Variants in LMO7 observed in about 807,000 individuals in gnomAD.
LMO7 encodes LIM domain only protein 7.
LMO7 carries 120 observed loss-of-function variants against 206.5 expected under a neutral mutation model. The observed-to-expected ratio is 0.58, with a 90% CI of 0.50 to 0.68. The LOEUF is 0.68. Ranked by LOEUF, LMO7 falls within the 30% of genes least tolerant of loss-of-function variation. LMO7 has a pLI of 0.00. For synonymous variants in LMO7, 706 were observed against 681.5 expected, an observed-to-expected ratio of 1.04 and a Z score of -0.56; for missense variants, 1,959 against 1,957.9, an observed-to-expected ratio of 1.00 and a Z score of -0.01.
intron 1 of LMO7, among the ~76,000 whole-genome samples, chr13:75,698,451 G>T (rs1223695240): frequency 1.3e-5 from 2 of 151,900 alleles, no homozygotes; most frequent in African/African-American, 4.8e-5. Context: ...CCCCTCACCT[G>T]GTTAATTTTT....
chr13:75,711,463 G>A (rs1449943850), intron 1 of LMO7, among the ~76,000 whole-genome samples: 1 of 152,108 alleles, frequency 6.6e-6, no homozygotes, highest in Non-Finnish European at 1.5e-5. Context: ...ATTAATTATT[G>A]CCTCAATTTC....
Position 75,800,720 on chromosome 13 carries a change from A to G in LMO7, c.499A>G (p.Arg167Gly). The change falls in exon 7 of 31, where the codon AGG becomes GGG. Residue 167 changes from arginine to glycine, a missense_variant. Coordinates refer to ENST00000377534, the MANE Select transcript of LMO7 (RefSeq NM_001306080.2). ...CTCCAGCTTCCTGAAAAGAAGTGGC[A>G]GGGACAGTGGCTACGGTGACATCTG... ...EDSSFLKRSG[R>G]DSGYGDIWCP... 14 of 1,614,134 alleles carry G rather than the reference A, an allele frequency of 8.7e-6. No homozygotes were observed. The highest frequency in any genetic ancestry group is 1.2e-5 in the Non-Finnish European group (14 of 1,179,998).
chr13:75,774,080 T>G (rs1326076327), intron 4 of LMO7, among the ~76,000 whole-genome samples: 2 of 152,174 alleles, frequency 1.3e-5, no homozygotes, highest in Non-Finnish European at 2.9e-5. Context: ...TACTTTTTTT[T>G]CCAGCTTTAT....
rs772216533 is a variant in LMO7, at chr13:75,850,301, GTTC to G, written c.4364+1015_4364+1017del. On this transcript the variant is annotated intron_variant, in intron 27 of 30. Transcript: ENST00000377534. The stretch of plus-strand genomic sequence containing the variant: ...TTGACAATTGTATATGGAAATAGGA[GTTC>G]TTCTTTCCACTTGGTTGGACAGTTT... 3.3e-5 allele frequency among the ~76,000 whole-genome samples: 5 copies of G among 152,288 alleles called. No homozygotes were observed. The East Asian group carries it at 9.6e-4, about 29-fold the overall frequency.
chr13:75,724,406 G>GCTC (rs2044285178), intron 2 of LMO7, among the ~76,000 whole-genome samples: 2 of 152,056 alleles, frequency 1.3e-5, no homozygotes, highest in Non-Finnish European at 2.9e-5. Context: ...TGAAAAAATG[G>GCTC]CTCCTTGACT....
chr13:75,821,059 C>A, intron 13 of LMO7, 118 bp from the exon 14 acceptor site: 1 of 693,970 alleles, frequency 1.4e-6, no homozygotes, highest in Non-Finnish European at 2.4e-6. Context: ...TGTATTGATT[C>A]TTGTGTGAAG....
intron 4 of LMO7, among the ~76,000 whole-genome samples, chr13:75,785,656 A>G (rs1340451504): frequency 1.3e-5 from 2 of 152,206 alleles, no homozygotes; most frequent in Non-Finnish European, 2.9e-5. Context: ...ATTTGCTAGT[A>G]TGTGTATTCA....
Position 75,744,980 on chromosome 13 carries a change from G to GA in LMO7, c.211-15946dup, listed in dbSNP as rs573772205. Among the ~76,000 whole-genome samples, 437 of 152,236 alleles carry GA rather than the reference G, an allele frequency of 2.9e-3. 3 individuals carry two copies. The highest frequency in any genetic ancestry group is 0.01 in the African/African-American group (425 of 41,538). On this transcript the variant is annotated intron_variant, in intron 3 of 30. Coordinates refer to ENST00000377534, the MANE Select transcript of LMO7 (RefSeq NM_001306080.2). ...AGCTCCAGATGCCAAGAATTACAGT[G>GA]AAAAAATATATAATACCTTATCAGT...
At chr13:75,729,859 G>C (rs891278507) in intron 3 of LMO7, among the ~76,000 whole-genome samples, 1 of 150,682 alleles carries the variant, frequency 6.6e-6, no homozygotes, top group Non-Finnish European at 1.5e-5. Flanking sequence ...TTTTGTCAAA[G>C]GCCTTTTCTG....
chr13:75,838,155 C>A lies in LMO7; in HGVS notation c.3410C>A (p.Ser1137Tyr), dbSNP rs367627741. 20 of 1,592,224 alleles carry A rather than the reference C, an allele frequency of 1.3e-5. No homozygotes were observed. Among genetic ancestry groups the A allele is most frequent in the Non-Finnish European group, 2.6e-6 (3 of 1,160,650 alleles). ...AFESKASESI[S>Y]LKNLKRRSQF... is the part of the protein sequence containing the mutation. The stretch of plus-strand genomic sequence containing the variant: ...TTTCAACTAGCATCTGAATCCATTT[C>A]TTTGAAAAACTTAAAAAGGCGATCA... Residue 1137 changes from serine (S) to tyrosine (Y), a missense_variant, in exon 20 of 31, where the codon TCT becomes TAT. Ser to Tyr is a moderately radical substitution (Grantham distance 144). Coordinates refer to ENST00000377534, the MANE Select transcript of LMO7 (RefSeq NM_001306080.2).
intron 1 of LMO7, among the ~76,000 whole-genome samples, chr13:75,640,941 G>A (rs527317221): frequency 2.6e-3 from 393 of 152,080 alleles, no homozygotes; most frequent in Non-Finnish European, 4.2e-3. Context: ...CTCTACTGCC[G>A]TCCACTTGAT....
intron 2 of LMO7, among the ~76,000 whole-genome samples, chr13:75,715,381 T>C (rs1482549238): frequency 1.3e-5 from 2 of 152,244 alleles, no homozygotes; most frequent in African/African-American, 4.8e-5. Flanking sequence ...TTTAGAGATA[T>C]ATTGGCTTTT....
chr13:75,788,350 A>T (rs1291245724), intron 4 of LMO7, among the ~76,000 whole-genome samples: 1 of 148,588 alleles, frequency 6.7e-6, no homozygotes, highest in East Asian at 2.1e-4. Context: ...GCTACTTGGG[A>T]GGCTGAGGCA....
chr13:75,817,422 G>T, intron 12 of LMO7, 144 bp downstream of exon 12: 1 of 518,018 alleles, frequency 1.9e-6, no homozygotes. Context: ...TCTTTACAAA[G>T]ATTTTTAAAC....
intron 9 of LMO7, chr13:75,807,265 T>G (rs966868378): frequency 9.6e-5 from 53 of 553,414 alleles, no homozygotes; most frequent in Admixed American, 8.7e-4. Flanking sequence ...GCTCTGCTCT[T>G]ATTTCTTTAG....
intron 9 of LMO7, chr13:75,806,719 A>G (rs917428805): frequency 1.3e-5 from 2 of 152,252 alleles, no homozygotes; most frequent in Admixed American, 6.5e-5. Flanking sequence ...CCTGCTGATT[A>G]CATATACCTA....
Position 75,736,724 on chromosome 13 carries a change from A to G in LMO7, c.210+9626A>G, listed in dbSNP as rs190946758. On this transcript the variant is annotated intron_variant, in intron 3 of 30. Transcript: ENST00000377534. ...GGACTGTGACATTTGCTGCATGTCC[A>G]TGAGCAGTTGTAGGGGAACTGTGAA... Among the ~76,000 whole-genome samples, 383 of 152,332 alleles carry G rather than the reference A, an allele frequency of 2.5e-3. 1 individual carries two copies. Among genetic ancestry groups the G allele is most frequent in the Admixed American group, 3.6e-3 (55 of 15,312 alleles).
intron 17 of LMO7, 61 bp downstream of exon 17, chr13:75,834,448 G>T (rs1244852878): frequency 4.3e-5 from 56 of 1,290,042 alleles, no homozygotes; most frequent in Non-Finnish European, 5.6e-5. Flanking sequence ...TTGGCAAGTG[G>T]TTCTAACAAT....
At chr13:75,837,438 T>C (rs1195197252) in intron 19 of LMO7, among the ~76,000 whole-genome samples, 1 of 152,188 alleles carries the variant, frequency 6.6e-6, no homozygotes, top group East Asian at 1.9e-4. Context: ...GTGGGCCCTG[T>C]CATTGGAAGG....
Sources: allele counts gnomAD v4.1 joint callset (sites outside exome capture counted in the v4.1 genomes callset), GRCh38; gene constraint gnomAD v4.1.1; transcripts MANE v1.5; gene names NCBI Gene and HGNC (gene_info 2026-07-23, HGNC 2026-07-21).